ATM: variants seen among roughly 807,000 people sequenced by gnomAD.
ATM encodes the protein serine-protein kinase ATM.
ATM carries 308 observed loss-of-function variants against 387.0 expected under a neutral mutation model. The ratio of observed to expected loss-of-function variants is 0.80; its 90% confidence interval spans 0.73 to 0.87. ATM has a LOEUF of 0.87. ATM is among the 40% of genes least tolerant of loss of function. The pLI is 0.00. For missense variants in ATM, 3,312 were observed against 3,560.9 expected (o/e 0.93, Z 1.78); for synonymous variants, 1,156 against 1,187.3 (o/e 0.97, Z 0.54).
chr11:108,259,049 G>T lies in ATM; in HGVS notation c.2440G>T (p.Asp814Tyr). The T allele has an allele frequency of 6.2e-7, 1 of 1,613,574 alleles. No individual in the cohort carries two copies. Among genetic ancestry groups the T allele is most frequent in the Non-Finnish European group, 8.5e-7 (1 of 1,179,852 alleles). The change falls in exon 16 of 63, where the codon GAC becomes TAC. Residue 814 changes from aspartate to tyrosine, a missense_variant. Physicochemically the swap from Asp to Tyr is radical, Grantham distance 160. Around this residue, in one of 4 missense-constraint regions of ATM, gnomAD observed 1,791 missense variants for 1,804.5 expected, o/e 0.99. Coordinates refer to ENST00000675843, the MANE Select transcript of ATM (RefSeq NM_000051.4). ...ATTGTTAACATCAAAGCTAATGAAT[G>T]ACATTGCAGATATTTGTAAAAGTTT... ...LRLLTSKLMN[D>Y]IADICKSLAS...
At chr11:108,243,335 A>G (rs2079659564) in intron 5 of ATM, among the ~76,000 whole-genome samples, 2 of 152,180 alleles carry the variant, frequency 1.3e-5, no homozygotes, top group African/African-American at 4.8e-5. Flanking sequence ...TGTGGAGGCC[A>G]GGCCCAGTGG....
At position 108,332,747 on chromosome 11, in the gene ATM, G is replaced by C. The variant is rs781449587; in HGVS notation, c.7789-15G>C. ...GGTAGTTCCTTATGTAATGTTTTTT[G>C]TTTTTTATTAATAGGATCGAACAGA... On this transcript the variant is annotated splice_polypyrimidine_tract_variant and intron_variant, in intron 52 of 62. Transcript: ENST00000675843. 2.4e-5 allele frequency: 39 copies of C among 1,609,620 alleles called. No individual in the cohort carries two copies. In the East Asian group the frequency reaches 8.3e-4, roughly 34 times the overall value.
chr11:108,264,711 A>G (rs1565410940), intron 16 of ATM, among the ~76,000 whole-genome samples: 1 of 136,628 alleles, frequency 7.3e-6, no homozygotes, highest in Non-Finnish European at 1.6e-5. Flanking sequence ...TGCAGACGAC[A>G]TGATTGTATA....
chr11:108,332,905 GT>G lies in ATM; in HGVS notation c.7927+13del, dbSNP rs587781324. The G allele has an allele frequency of 8.1e-6, 13 of 1,610,286 alleles. No homozygotes were observed. Among genetic ancestry groups the G allele is most frequent in the African/African-American group, 5.3e-5 (4 of 74,776 alleles). Reference sequence around the variant, plus strand: ...CTCAGTGGAAGACTCAGAGAAGTATGTTTTTTTTAAAGAAGAAACGTTACTT... The same window carrying G: ...CTCAGTGGAAGACTCAGAGAAGTATGTTTTTTTAAAGAAGAAACGTTACTT... On this transcript the variant is annotated splice_donor_region_variant and intron_variant, in intron 53 of 62. Coordinates refer to ENST00000675843, the MANE Select transcript of ATM (RefSeq NM_000051.4).
At chr11:108,253,129 A>G (rs2080244113) in intron 12 of ATM, among the ~76,000 whole-genome samples, 1 of 152,160 alleles carries the variant, frequency 6.6e-6, no homozygotes, top group Non-Finnish European at 1.5e-5. Context: ...AATGCTGTAT[A>G]GTATAATATG....
At chr11:108,282,137 T>C (rs1251758387) in intron 24 of ATM, among the ~76,000 whole-genome samples, 1 of 151,648 alleles carries the variant, frequency 6.6e-6, no homozygotes, top group Non-Finnish European at 1.5e-5. Flanking sequence ...AATTTTTTTT[T>C]TTTTTTTTGA....
intron 60 of ATM, among the ~76,000 whole-genome samples, 191 bp from the exon 61 acceptor site, chr11:108,354,620 A>C (rs994401050): frequency 6.6e-6 from 1 of 152,232 alleles, no homozygotes; most frequent in East Asian, 1.9e-4. Context: ...GAAATAGTCA[A>C]ATACATATTT....
chr11:108,327,909 TG>T, intron 48 of ATM, 151 bp downstream of exon 48: 1 of 732,542 alleles, frequency 1.4e-6, no homozygotes, highest in Non-Finnish European at 2.3e-6. Flanking sequence ...GTCTCTAGGG[TG>T]GAGTGAAACA....
intron 5 of ATM, among the ~76,000 whole-genome samples, chr11:108,243,314 T>C (rs959766860): frequency 2.6e-5 from 4 of 151,774 alleles, no homozygotes; most frequent in African/African-American, 9.7e-5. Context: ...AGTATTATTA[T>C]TTTAAAAAAC....
intron 23 of ATM, among the ~76,000 whole-genome samples, chr11:108,280,344 A>T: frequency 6.6e-6 from 1 of 152,208 alleles, no homozygotes; most frequent in South Asian, 2.1e-4. Flanking sequence ...GAAGTTTTGT[A>T]TCTTGTGATT....
rs557570449 is a variant in ATM, at chr11:108,254,334, A to T, written c.2124+295A>T. ...AGCATAGGGATTATATGATGAAAAAAACCTCTAAATACAAAGGAGGGAAAT... is the reference window on the plus strand; with the variant it reads ...AGCATAGGGATTATATGATGAAAAATACCTCTAAATACAAAGGAGGGAAAT... On this transcript the variant is annotated intron_variant, in intron 13 of 62. Coordinates refer to ENST00000675843, the MANE Select transcript of ATM (RefSeq NM_000051.4). Among the ~76,000 whole-genome samples the T allele has an allele frequency of 2.0e-5, 3 of 152,330 alleles. No homozygotes were observed. The East Asian group carries it at 5.8e-4, about 29-fold the overall frequency.
At chr11:108,337,829 C>T (rs1305858563) in intron 56 of ATM, among the ~76,000 whole-genome samples, 2 of 152,148 alleles carry the variant, frequency 1.3e-5, no homozygotes, top group Non-Finnish European at 2.9e-5. Flanking sequence ...AATTGGGTTA[C>T]AAAAGTATGG....
chr11:108,272,904 AATGTCTTACATAGT>A, intron 22 of ATM, 52 bp downstream of exon 22: 1 of 1,608,988 alleles, frequency 6.2e-7, no homozygotes, highest in Non-Finnish European at 8.5e-7. Flanking sequence ...ATGGCAGTAG[AATGTCTTACATAGT>A]AACAGCTCAC....
At position 108,271,287 on chromosome 11, in the gene ATM, T is replaced by G. The variant is rs745971584; in HGVS notation, c.2958T>G (p.Val986=). ...CTTTGTATCGTCGTGACCAAGATGT[T>G]TGTAAAACTATTTTAAACCATGTCC... is the stretch of plus-strand genomic sequence containing the variant. ...VCSLYRRDQD[V]CKTILNHVLH... Residue 986 remains valine, a synonymous_variant, in exon 20 of 63, where the codon GTT becomes GTG. Transcript: ENST00000675843. The G allele has an allele frequency of 8.1e-6, 13 of 1,614,052 alleles. No homozygotes were observed. In the Admixed American group the frequency reaches 2.2e-4, roughly 27 times the overall value.
intron 18 of ATM, among the ~76,000 whole-genome samples, chr11:108,270,381 C>G (rs569628745): frequency 1.3e-5 from 2 of 152,308 alleles, no homozygotes; most frequent in African/African-American, 4.8e-5. Context: ...CTTGCTCAAG[C>G]TCTTAACTGC....
intron 20 of ATM, 141 bp downstream of exon 20, chr11:108,271,547 T>TG: frequency 9.0e-7 from 1 of 1,113,678 alleles, no homozygotes; most frequent in Non-Finnish European, 1.3e-6. Flanking sequence ...ATGTAATTTG[T>TG]GTTTCCCTCA....
In ATM at chr11:108,256,324, TATTCCAGAAAGCCAAGGTAGGA is replaced by T; in HGVS notation, c.2235_2250+6del. The T allele has an allele frequency of 6.2e-7, 1 of 1,610,652 alleles. No homozygotes were observed. The highest frequency in any genetic ancestry group is 1.3e-5 in the African/African-American group (1 of 74,976). On this transcript the variant is annotated splice_donor_variant and splice_donor_5th_base_variant and coding_sequence_variant and intron_variant, in exon 14 of 63. Coordinates refer to ENST00000675843, the MANE Select transcript of ATM (RefSeq NM_000051.4). LOFTEE classifies it high-confidence loss of function. ...GAAGAGGAAGCATATAAGTCAGAATTATTCCAGAAAGCCAAGGTAGGAGAATTTATACTAATAAAGTTTCGGA... is the reference window on the plus strand; with the variant it reads ...GAAGAGGAAGCATATAAGTCAGAATTGAATTTATACTAATAAAGTTTCGGA...
At chr11:108,232,265 T>C (rs539735818) in intron 4 of ATM, among the ~76,000 whole-genome samples, 1 of 152,354 alleles carries the variant, frequency 6.6e-6, no homozygotes, top group African/African-American at 2.4e-5. Flanking sequence ...CAAATTTGAC[T>C]TTGTTACTTA....
Position 108,232,998 on chromosome 11 carries a change from G to C in ATM, c.332-2672G>C, listed in dbSNP as rs138358291. On this transcript the variant is annotated intron_variant, in intron 4 of 62. Coordinates refer to ENST00000675843, the MANE Select transcript of ATM (RefSeq NM_000051.4). ...CCGCCTCAGCTTCCCAAGTAACTGG[G>C]ATTACAGGCATGCCCCACCATGCCC... Among the ~76,000 whole-genome samples, 1,136 of 152,214 alleles carry C rather than the reference G, an allele frequency of 7.5e-3. 7 individuals carry two copies. The highest frequency in any genetic ancestry group is 0.024 in the African/African-American group (1,009 of 41,538).
Sources: gnomAD v4.1 joint callset for allele counts (sites outside exome capture counted in the v4.1 genomes callset) on GRCh38, gnomAD v4.1.1 for gene constraint, gnomAD v4.1.1 regional missense constraint, MANE v1.5 for transcripts, NCBI Gene and HGNC (gene_info 2026-07-23, HGNC 2026-07-21) for gene names.